Variants in KIAA0319L observed in about 807,000 individuals in gnomAD.
KIAA0319L encodes dyslexia-associated protein KIAA0319-like protein.
Under a neutral mutation model 120.1 loss-of-function variants are expected in KIAA0319L, and 55 were observed. The observed-to-expected ratio is 0.46, with a 90% CI of 0.37 to 0.57. The LOEUF is 0.57. Ranked by LOEUF, KIAA0319L falls within the 20% of genes least tolerant of loss-of-function variation. KIAA0319L has a pLI of 0.00. For synonymous variants in KIAA0319L, 398 were observed against 471.9 expected (o/e 0.84, Z 2.03); for missense variants, 1,049 against 1,255.3 (o/e 0.84, Z 2.48).
chr1:35,498,724 A>G (rs1644899504), intron 3 of KIAA0319L, among the ~76,000 whole-genome samples: 1 of 152,202 alleles, frequency 6.6e-6, no homozygotes, highest in African/African-American at 2.4e-5. Flanking sequence ...GGATGTTCAC[A>G]CTTACCTGGT....
intron 2 of KIAA0319L, among the ~76,000 whole-genome samples, chr1:35,514,046 G>T (rs558519453): frequency 1.1e-4 from 16 of 152,106 alleles, no homozygotes; most frequent in Admixed American, 2.0e-4. Flanking sequence ...CTGTAGTTGA[G>T]AATTCATTAA....
intron 6 of KIAA0319L, among the ~76,000 whole-genome samples, 164 bp from the exon 7 acceptor site, chr1:35,466,859 A>T (rs1643298239): frequency 6.6e-6 from 1 of 152,164 alleles, no homozygotes. Flanking sequence ...ATTTGGGAGG[A>T]GGCGGGTGGA....
intron 2 of KIAA0319L, among the ~76,000 whole-genome samples, chr1:35,547,762 G>A (rs1178290270): frequency 2.6e-5 from 4 of 152,128 alleles, no homozygotes; most frequent in African/African-American, 4.8e-5. Context: ...ACTGCTAATG[G>A]GTACAGGGCT....
At chr1:35,537,384 CCTTTT>C in intron 2 of KIAA0319L, among the ~76,000 whole-genome samples, 1 of 139,982 alleles carries the variant, frequency 7.1e-6, no homozygotes, top group South Asian at 2.3e-4. Flanking sequence ...CCTTTCCTTT[CCTTTT>C]TTTTTTTTTT....
chr1:35,553,300 T>C (rs140942846), intron 2 of KIAA0319L, among the ~76,000 whole-genome samples: 1 of 151,194 alleles, frequency 6.6e-6, no homozygotes, highest in East Asian at 1.9e-4. Context: ...AATGATCTTA[T>C]ATAAAATGTT....
Position 35,507,004 on chromosome 1 carries a change from C to A in KIAA0319L, c.274G>T (p.Asp92Tyr). Reference protein sequence around the residue: ...LQSCWAACCQDSACHVFWWLE... With the variant: ...LQSCWAACCQYSACHVFWWLE... ...CACCAAAAGACATGGCAGGCAGAGT[C>A]CTGGCAGCAGGCAGCCCAACATGAC... The change falls in exon 3 of 21, where the codon GAC (aspartate) becomes TAC (tyrosine). Residue 92 changes from aspartate (D) to tyrosine (Y), a missense_variant. By Grantham distance (160) the Asp-to-Tyr change is radical. Coordinates refer to ENST00000325722, the MANE Select transcript of KIAA0319L (RefSeq NM_024874.5). 6.2e-7 allele frequency: 1 copy of A among 1,613,050 alleles called. No individual in the cohort carries two copies. The highest frequency in any genetic ancestry group is 8.5e-7 in the Non-Finnish European group (1 of 1,179,562).
At chr1:35,475,017 C>A in intron 4 of KIAA0319L, 111 bp from the exon 5 acceptor site, 1 of 629,324 alleles carries the variant, frequency 1.6e-6, no homozygotes, top group Non-Finnish European at 2.7e-6. Context: ...CTACTGCCAT[C>A]AATTACTAAC....
At chr1:35,513,102 A>G (rs1170146524) in intron 2 of KIAA0319L, among the ~76,000 whole-genome samples, 1 of 151,044 alleles carries the variant, frequency 6.6e-6, no homozygotes, top group Non-Finnish European at 1.5e-5. Flanking sequence ...TAAAATATTT[A>G]CTATCTGGCC....
chr1:35,480,499 C>T (rs1001115624), intron 3 of KIAA0319L, among the ~76,000 whole-genome samples: 3 of 151,654 alleles, frequency 2.0e-5, no homozygotes, highest in African/African-American at 7.3e-5. Context: ...AAATCAAATT[C>T]GGCCGGGTGT....
In KIAA0319L at chr1:35,506,235, A is replaced by T. The variant is rs1160549163; in HGVS notation, c.666+377T>A. Among the ~76,000 whole-genome samples, 1 of 152,220 alleles carries T rather than the reference A, an allele frequency of 6.6e-6. No individual in the cohort carries two copies. Among genetic ancestry groups the T allele is most frequent in the Non-Finnish European group, 1.5e-5 (1 of 68,056 alleles). ...CATAAAGAATGTGTTTACAGGCGAG[A>T]GATGGAGGAGAACTTGACTGTAACC... is the stretch of plus-strand genomic sequence containing the variant. On this transcript the variant is annotated intron_variant, in intron 3 of 20. Transcript: ENST00000325722. The surrounding 1 kb of genome is among the most constrained non-coding windows in gnomAD (Gnocchi z 4.0).
chr1:35,485,131 CTTATAAT>C (rs955996039), intron 3 of KIAA0319L, among the ~76,000 whole-genome samples: 3 of 151,732 alleles, frequency 2.0e-5, no homozygotes, highest in Non-Finnish European at 4.4e-5. Flanking sequence ...CCTTGCATGT[CTTATAAT>C]ATCTGGTTGA....
intron 2 of KIAA0319L, among the ~76,000 whole-genome samples, chr1:35,534,373 A>G (rs1646486948): frequency 6.6e-6 from 1 of 152,232 alleles, no homozygotes; most frequent in Non-Finnish European, 1.5e-5. Flanking sequence ...CCCAACAGAT[A>G]CATATCAGCT....
At chr1:35,528,579 G>A (rs527550495) in intron 2 of KIAA0319L, among the ~76,000 whole-genome samples, 1 of 152,214 alleles carries the variant, frequency 6.6e-6, no homozygotes, top group South Asian at 2.1e-4. Context: ...TGATGGGAAT[G>A]TGTATTTTGC....
At chr1:35,539,783 C>T (rs1192512030) in intron 2 of KIAA0319L, among the ~76,000 whole-genome samples, 2 of 152,196 alleles carry the variant, frequency 1.3e-5, no homozygotes, top group East Asian at 3.9e-4. Flanking sequence ...GGACAATAAA[C>T]ATTGAGCTGT....
chr1:35,471,085 C>A, intron 5 of KIAA0319L, 125 bp from the exon 6 acceptor site: 1 of 673,906 alleles, frequency 1.5e-6, no homozygotes, highest in Non-Finnish European at 2.7e-6. Context: ...AGATTTCACC[C>A]CAAAGCCTGT....
intron 9 of KIAA0319L, among the ~76,000 whole-genome samples, chr1:35,456,628 A>G (rs1368404801): frequency 6.6e-6 from 1 of 152,040 alleles, no homozygotes; most frequent in African/African-American, 2.4e-5. Flanking sequence ...CCTGGCCAAC[A>G]TGGTGAAACC....
At chr1:35,478,109 G>A (rs1469766996) in intron 4 of KIAA0319L, among the ~76,000 whole-genome samples, 1 of 152,184 alleles carries the variant, frequency 6.6e-6, no homozygotes, top group Non-Finnish European at 1.5e-5. Flanking sequence ...CAACATGGAT[G>A]GAACTGGAGG....
At chr1:35,545,568 A>G (rs1450505609) in intron 2 of KIAA0319L, among the ~76,000 whole-genome samples, 2 of 152,214 alleles carry the variant, frequency 1.3e-5, no homozygotes, top group Non-Finnish European at 2.9e-5. Flanking sequence ...CCCTCTACAC[A>G]GAAATGTGAG....
rs1382652053 is a variant in KIAA0319L at position 35,453,410 on chromosome 1, T to C, written c.1913+147A>G. The C allele has an allele frequency of 5.9e-6, 4 of 672,304 alleles. No homozygotes were observed. The African/African-American group carries it at 7.2e-5, about 12-fold the overall frequency. The allele number at this position is 672,304 out of a possible 1,614,324, so 41.6% of individuals were successfully genotyped here. On this transcript the variant is annotated intron_variant, in intron 12 of 20. Coordinates refer to ENST00000325722, the MANE Select transcript of KIAA0319L (RefSeq NM_024874.5). The surrounding 1 kb of genome is among the most constrained non-coding windows in gnomAD (Gnocchi z 4.1). The stretch of plus-strand genomic sequence containing the variant: ...TGATTATAATATCATTTTCTTGGAG[T>C]TGAAGTTTGGAATTGCAAACATTTC...
Sources: gnomAD v4.1 joint callset for allele counts (sites outside exome capture counted in the v4.1 genomes callset) on GRCh38, gnomAD v4.1.1 for gene constraint, Gnocchi (gnomAD v3.1) non-coding constraint, MANE v1.5 for transcripts, NCBI Gene and HGNC (gene_info 2026-07-23, HGNC 2026-07-21) for gene names.